NUBP1: variants seen among roughly 807,000 people sequenced by gnomAD.
The protein encoded by NUBP1 is cytosolic Fe-S cluster assembly factor NUBP1.
NUBP1 carries 46 observed loss-of-function variants against 41.8 expected under a neutral mutation model. The observed-to-expected ratio is 1.10, with a 90% confidence interval of 0.87 to 1.41. NUBP1 has a LOEUF of 1.41. Among genes scored for constraint, NUBP1 ranks in the 40% most tolerant of loss-of-function variants. The probability of loss-of-function intolerance (pLI) is 0.00; values close to 1 mark genes in which losing one functional copy is unlikely to be tolerated. For synonymous variants in NUBP1, 189 were observed against 154.6 expected, an observed-to-expected ratio of 1.22 and a Z score of -1.65; for missense variants, 494 against 414.0, an observed-to-expected ratio of 1.19 and a Z score of -1.68.
At chr16:10,764,326 C>T (rs539365962) in intron 9 of NUBP1, among the ~76,000 whole-genome samples, 10 of 152,292 alleles carry the variant, frequency 6.6e-5, no homozygotes, top group African/African-American at 1.9e-4. Flanking sequence ...TCTCAGTCTG[C>T]TGGAGTGTGG....
chr16:10,750,040 T>TA (rs61490971), intron 3 of NUBP1, among the ~76,000 whole-genome samples: 1 of 151,712 alleles, frequency 6.6e-6, no homozygotes, highest in Non-Finnish European at 1.5e-5. Flanking sequence ...ACATAAAACA[T>TA]AAAAAAAGTT....
chr16:10,756,242 G>C (rs534309588), intron 5 of NUBP1, among the ~76,000 whole-genome samples: 2 of 152,264 alleles, frequency 1.3e-5, no homozygotes, highest in South Asian at 4.1e-4. Flanking sequence ...AGCCGAGCAT[G>C]GTGGCACGCG....
At chr16:10,754,653 TA>T (rs1900472925) in intron 4 of NUBP1, among the ~76,000 whole-genome samples, 1 of 152,144 alleles carries the variant, frequency 6.6e-6, no homozygotes, top group African/African-American at 2.4e-5. Context: ...GAAAGTGGAT[TA>T]GGGGTCCTGT....
rs1360072762 is a variant in NUBP1 at position 10,749,118 on chromosome 16, CAG to C, written c.258+1844_258+1845del. Among the ~76,000 whole-genome samples, 2 of 88,896 alleles carry C rather than the reference CAG, an allele frequency of 2.2e-5. No homozygotes were observed. The highest frequency in any genetic ancestry group is 5.5e-5 in the African/African-American group (1 of 18,336). 58.3% of individuals were successfully genotyped at this position (88,896 alleles called of 152,430 possible). On this transcript the variant is annotated intron_variant, in intron 3 of 10. Coordinates refer to ENST00000283027, the MANE Select transcript of NUBP1 (RefSeq NM_002484.4). The surrounding 1 kb of genome is among the most constrained non-coding windows in gnomAD (Gnocchi z 4.1). ...AAAAAAAAGGATATAGATAGATACA[CAG>C]ACACATACACACACACACACACACA...
At chr16:10,752,829 CTT>C (rs780398813) in intron 4 of NUBP1, 151 bp downstream of exon 4, 36 of 662,994 alleles carry the variant, frequency 5.4e-5, no homozygotes, top group Non-Finnish European at 8.5e-5. Flanking sequence ...AGGTCTCACT[CTT>C]GTCGCCCGGG....
intron 9 of NUBP1, chr16:10,764,976 T>C (rs1029709201): frequency 5.9e-6 from 1 of 169,572 alleles, no homozygotes; most frequent in African/African-American, 2.4e-5. Context: ...ACCAGGGCAT[T>C]CCTGAGCCCA....
chr16:10,762,156 G>C (rs942108070), intron 9 of NUBP1: 2 of 262,766 alleles, frequency 7.6e-6, no homozygotes, highest in Admixed American at 4.9e-5. Context: ...GCACCCGATA[G>C]AGGGGCGGCT....
chr16:10,758,176 G>T (rs1092688), intron 7 of NUBP1, 149 bp downstream of exon 7: 450,404 of 847,970 alleles, frequency 0.53, 126,360 homozygotes, highest in African/African-American at 0.81. Flanking sequence ...CAGAAACCTC[G>T]TGTTAAAAAC....
rs1900207570 is a variant in NUBP1 at position 10,749,223 on chromosome 16, C to G, written c.258+1947C>G. The stretch of plus-strand genomic sequence containing the variant: ...ATCTCTTGCCATTTGAGGGTCAAAT[C>G]TGTACTGGCCTAGTGGGCTGGCCAA... On this transcript the variant is annotated intron_variant, in intron 3 of 10. Transcript: ENST00000283027. This position sits in a 1 kb window ranked among gnomAD's most constrained non-coding sequence, Gnocchi z 4.1. Among the ~76,000 whole-genome samples, 1 of 151,358 alleles carries G rather than the reference C, an allele frequency of 6.6e-6. No homozygotes were observed. The highest frequency in any genetic ancestry group is 6.6e-5 in the Admixed American group (1 of 15,204).
Position 10,767,596 on chromosome 16 carries a change from C to T in NUBP1, c.821-353C>T. ...CTTTTATGCCATATCCTTTTGCATT[C>T]TGTACTTTTTTTAACCATGTGCATT... is the stretch of plus-strand genomic sequence containing the variant. On this transcript the variant is annotated intron_variant, in intron 9 of 10. Transcript: ENST00000283027. The surrounding 1 kb of genome is among the most constrained non-coding windows in gnomAD (Gnocchi z 4.6). The T allele has an allele frequency of 4.4e-6, 2 of 454,410 alleles. No individual in the cohort carries two copies. Among genetic ancestry groups the T allele is most frequent in the Non-Finnish European group, 7.7e-6 (2 of 259,152 alleles). The allele number at this position is 454,410 out of a possible 1,614,324, so 28.1% of individuals were successfully genotyped here.
intron 2 of NUBP1, among the ~76,000 whole-genome samples, chr16:10,745,989 A>C (rs1409002371): frequency 6.6e-6 from 1 of 152,196 alleles, no homozygotes; most frequent in African/African-American, 2.4e-5. Context: ...CTCATCTTCA[A>C]AGATTTAGGG....
intron 9 of NUBP1, 118 bp downstream of exon 9, chr16:10,761,977 C>T (rs369504762): frequency 1.2e-4 from 93 of 759,652 alleles, no homozygotes; most frequent in East Asian, 9.3e-4. Context: ...GTCAATGGGG[C>T]GCTGGAGCCA....
chr16:10,754,528 C>A lies in NUBP1; in HGVS notation c.328-1193C>A, dbSNP rs531194588. Among the ~76,000 whole-genome samples, 15 of 152,146 alleles carry A rather than the reference C, an allele frequency of 9.9e-5. No individual in the cohort carries two copies. The South Asian group carries it at 2.9e-3, about 29-fold the overall frequency. ...GCAGTGTTTGGATTACAGGTGTGAG[C>A]CACTGTGCCTGGCTGGGTGTCTTTT... On this transcript the variant is annotated intron_variant, in intron 4 of 10. Transcript: ENST00000283027.
At chr16:10,761,572 T>A (rs1356672095) in intron 8 of NUBP1, 98 bp downstream of exon 8, 2 of 1,142,438 alleles carry the variant, frequency 1.8e-6, no homozygotes, top group Non-Finnish European at 2.5e-6. Flanking sequence ...GCTTTCCCTG[T>A]CATTTTGGGA....
At chr16:10,761,170 G>C in intron 7 of NUBP1, 194 bp from the exon 8 acceptor site, 1 of 502,114 alleles carries the variant, frequency 2.0e-6, no homozygotes, top group South Asian at 2.1e-5. Context: ...TGTTCCTGTA[G>C]GGATGTAGGG....
rs1485930761 is a variant in NUBP1 at position 10,765,200 on chromosome 16, A to C, written c.821-2749A>C. On this transcript the variant is annotated intron_variant, in intron 9 of 10. Transcript: ENST00000283027. The surrounding 1 kb of genome is among the most constrained non-coding windows in gnomAD (Gnocchi z 4.0). ...ATTTTCCAAGGTTTAATGAAGAGCTAGAAATCTATATCCTTACCCAAAGTC... is the reference window on the plus strand; with the variant it reads ...ATTTTCCAAGGTTTAATGAAGAGCTCGAAATCTATATCCTTACCCAAAGTC... 1 of 152,528 alleles carries C rather than the reference A, an allele frequency of 6.6e-6. No homozygotes were observed. The highest frequency in any genetic ancestry group is 6.5e-5 in the Admixed American group (1 of 15,268). The allele number at this position is 152,528 out of a possible 1,614,324, so 9.4% of individuals were successfully genotyped here.
intron 6 of NUBP1, 148 bp downstream of exon 6, chr16:10,756,928 T>G: frequency 1.7e-6 from 1 of 590,080 alleles, no homozygotes. Flanking sequence ...TCTTCACTGG[T>G]TGAAAAGAGC....
chr16:10,754,371 T>C (rs779604646), intron 4 of NUBP1, among the ~76,000 whole-genome samples: 6 of 152,180 alleles, frequency 3.9e-5, no homozygotes, highest in Admixed American at 2.0e-4. Context: ...GCCTCCTGAA[T>C]AGCTGGCATT....
chr16:10,756,888 T>G, intron 6 of NUBP1, 108 bp downstream of exon 6: 2 of 813,374 alleles, frequency 2.5e-6, no homozygotes, highest in Non-Finnish European at 3.8e-6. Context: ...GACTTCACAG[T>G]ATATTATTTT....
Sources: gnomAD v4.1 joint callset for allele counts (sites outside exome capture counted in the v4.1 genomes callset) on GRCh38, gnomAD v4.1.1 for gene constraint, Gnocchi (gnomAD v3.1) non-coding constraint, MANE v1.5 for transcripts, NCBI Gene and HGNC (gene_info 2026-07-23, HGNC 2026-07-21) for gene names.